MDFIC2: variants seen among roughly 807,000 people sequenced by gnomAD.
MDFIC2 encodes the protein MyoD family inhibitor domain containing 2.
At chr3:70,267,504 G>A (rs1209979525) in intron 2 of MDFIC2, among the ~76,000 whole-genome samples, 2 of 132,112 alleles carry the variant, frequency 1.5e-5, no homozygotes, top group African/African-American at 5.7e-5. Flanking sequence ...CTGGGCTCAC[G>A]CCCTTCTCCT....
intron 2 of MDFIC2, among the ~76,000 whole-genome samples, chr3:70,253,127 A>G (rs1701785165): frequency 1.3e-5 from 2 of 152,148 alleles, no homozygotes; most frequent in African/African-American, 4.8e-5. Flanking sequence ...ATAAAAAAGT[A>G]TTTTGGATTG....
chr3:70,276,875 G>A (rs1464548632), intron 2 of MDFIC2, among the ~76,000 whole-genome samples: 1 of 152,104 alleles, frequency 6.6e-6, no homozygotes, highest in Non-Finnish European at 1.5e-5. Context: ...TTGTAGTTTT[G>A]TCAAATTACA....
At chr3:70,229,254 C>A (rs1359288874) in intron 2 of MDFIC2, among the ~76,000 whole-genome samples, 2 of 152,050 alleles carry the variant, frequency 1.3e-5, no homozygotes, top group Admixed American at 6.6e-5. Flanking sequence ...CAGAGATAGC[C>A]AAGGAGGGTG....
intron 2 of MDFIC2, among the ~76,000 whole-genome samples, chr3:70,234,278 C>T (rs1157083750): frequency 6.6e-6 from 1 of 152,136 alleles, no homozygotes; most frequent in Non-Finnish European, 1.5e-5. Flanking sequence ...ATTTAGTCAA[C>T]TCATGTTTAT....
intron 2 of MDFIC2, among the ~76,000 whole-genome samples, chr3:70,222,439 G>A (rs1226691465): frequency 1.3e-5 from 2 of 152,084 alleles, no homozygotes; most frequent in African/African-American, 4.8e-5. Context: ...TGGTATTTAT[G>A]GATTTGTTTG....
chr3:70,238,222 C>T (rs1257164623), intron 2 of MDFIC2, among the ~76,000 whole-genome samples: 2 of 151,792 alleles, frequency 1.3e-5, no homozygotes, highest in Non-Finnish European at 2.9e-5. Context: ...TTGAAATTAG[C>T]ATACTGGGAG....
chr3:70,299,140 C>T (rs1462248191), intron 2 of MDFIC2, among the ~76,000 whole-genome samples: 1 of 152,082 alleles, frequency 6.6e-6, no homozygotes, highest in Non-Finnish European at 1.5e-5. Flanking sequence ...AATATCCAAA[C>T]ATAGGTAATT....
chr3:70,310,825 T>C (rs528345333), intron 2 of MDFIC2, among the ~76,000 whole-genome samples: 3 of 152,218 alleles, frequency 2.0e-5, no homozygotes, highest in Non-Finnish European at 4.4e-5. Flanking sequence ...TTTTTTTTCT[T>C]TGGAACATGA....
chr3:70,312,274 A>G (rs1702460833), intron 1 of MDFIC2, among the ~76,000 whole-genome samples: 1 of 152,236 alleles, frequency 6.6e-6, no homozygotes, highest in South Asian at 2.1e-4. Flanking sequence ...ATTTGTAAGA[A>G]ACAAACAAAC....
intron 2 of MDFIC2, among the ~76,000 whole-genome samples, chr3:70,231,719 G>C (rs1701561541): frequency 6.6e-6 from 1 of 152,144 alleles, no homozygotes; most frequent in Non-Finnish European, 1.5e-5. Context: ...ACGGAGAGAA[G>C]AAATGGGACA....
intron 2 of MDFIC2, among the ~76,000 whole-genome samples, chr3:70,227,969 G>A (rs1022486196): frequency 5.3e-5 from 8 of 151,584 alleles, no homozygotes; most frequent in South Asian, 2.1e-4. Context: ...AACATTCATA[G>A]TAAGTATAAT....
intron 2 of MDFIC2, among the ~76,000 whole-genome samples, chr3:70,290,061 G>T (rs922154566): frequency 6.6e-6 from 1 of 152,176 alleles, no homozygotes; most frequent in African/African-American, 2.4e-5. Flanking sequence ...CTCTCAGCTC[G>T]TCAAAGTCAT....
chr3:70,303,422 G>A lies in MDFIC2; in HGVS notation c.88+8464C>T, dbSNP rs377521799. ...GAATAGGAGGAAAAAAAATTATGCG[G>A]AGCTAATTAATTCCAGAAGTGGCGA... On this transcript the variant is annotated intron_variant, in intron 2 of 3. Transcript: ENST00000567252. Among the ~76,000 whole-genome samples, 31 of 152,210 alleles carry A rather than the reference G, an allele frequency of 2.0e-4. 2 individuals are homozygous for A. The highest frequency in any genetic ancestry group is 1.2e-3 in the East Asian group (6 of 5,158).
intron 2 of MDFIC2, among the ~76,000 whole-genome samples, chr3:70,263,428 G>A (rs1051700144): frequency 1.8e-4 from 28 of 152,066 alleles, no homozygotes; most frequent in African/African-American, 6.8e-4. Flanking sequence ...GCTTTTCTAA[G>A]GTGTGATCCT....
chr3:70,292,344 T>C (rs571077309), intron 2 of MDFIC2, among the ~76,000 whole-genome samples: 1 of 152,296 alleles, frequency 6.6e-6, no homozygotes, highest in Admixed American at 6.5e-5. Flanking sequence ...GAGCCATTAC[T>C]ATACATATCT....
intron 2 of MDFIC2, among the ~76,000 whole-genome samples, chr3:70,263,689 C>T (rs1183538451): frequency 6.6e-6 from 1 of 152,202 alleles, no homozygotes; most frequent in African/African-American, 2.4e-5. Context: ...ATCTACCGAG[C>T]TCCCTTCTCT....
chr3:70,301,675 G>C (rs1257532944), intron 2 of MDFIC2, among the ~76,000 whole-genome samples: 1 of 152,040 alleles, frequency 6.6e-6, no homozygotes, highest in Admixed American at 6.6e-5. Flanking sequence ...AGACAAACGT[G>C]AAGTGTGGAA....
At chr3:70,280,625 C>G (rs989565662) in intron 2 of MDFIC2, among the ~76,000 whole-genome samples, 6 of 152,250 alleles carry the variant, frequency 3.9e-5, no homozygotes, top group Admixed American at 6.5e-5. Flanking sequence ...TCTTCTCTGT[C>G]CTCCTTTCTC....
chr3:70,288,708 G>A (rs1424662600), intron 2 of MDFIC2, among the ~76,000 whole-genome samples: 1 of 151,838 alleles, frequency 6.6e-6, no homozygotes. Context: ...CTCTTTGTAG[G>A]TCACTCAGGA....
Sources: allele counts gnomAD v4.1 joint callset (sites outside exome capture counted in the v4.1 genomes callset), GRCh38; gene constraint gnomAD v4.1.1; transcripts MANE v1.5; gene names NCBI Gene and HGNC (gene_info 2026-07-23, HGNC 2026-07-21).